The following SLC24A2 variants were observed in gnomAD, a reference collection of about 807,000 sequenced individuals.
SLC24A2 encodes the protein sodium/potassium/calcium exchanger 2.
In SLC24A2, 36 loss-of-function variants were observed where a neutral mutation model predicts 62.0. The observed-to-expected ratio is 0.58, with a 90% CI of 0.44 to 0.77. The LOEUF (loss-of-function observed/expected upper bound fraction) is 0.77, where lower values mean the gene tolerates loss of function less well. SLC24A2 is among the 30% of genes least tolerant of loss of function. The probability of loss-of-function intolerance (pLI) is 0.00; values close to 1 mark genes in which losing one functional copy is unlikely to be tolerated. For missense variants in SLC24A2, 846 were observed against 817.9 expected (o/e 1.03, Z -0.42); for synonymous variants, 358 against 294.0 (o/e 1.22, Z -2.23).
At chr9:19,753,412 GA>G (rs1054284124) in intron 2 of SLC24A2, among the ~76,000 whole-genome samples, 1 of 152,220 alleles carries the variant, frequency 6.6e-6, no homozygotes, top group African/African-American at 2.4e-5. Context: ...TAAGAATGCA[GA>G]AAAATATTAA....
At chr9:19,903,057 A>C in the SLC24A2 span, among the ~76,000 whole-genome samples, 1 of 151,754 alleles carries the variant, frequency 6.6e-6, no homozygotes, top group African/African-American at 2.4e-5. Flanking sequence ...TTTTTTAATA[A>C]GCAGGTTTTT....
chr9:19,531,977 G>T (rs1833731174), intron 8 of SLC24A2, among the ~76,000 whole-genome samples: 1 of 152,036 alleles, frequency 6.6e-6, no homozygotes, highest in Non-Finnish European at 1.5e-5. Context: ...TATTCATGAG[G>T]GTTCCACCAC....
chr9:19,691,647 G>A lies in SLC24A2; in HGVS notation c.931-69348C>T, dbSNP rs1310315001. Among the ~76,000 whole-genome samples the A allele has an allele frequency of 7.2e-5, 11 of 152,146 alleles. No individual in the cohort carries two copies. In the East Asian group the frequency reaches 2.1e-3, roughly 29 times the overall value. The stretch of plus-strand genomic sequence containing the variant: ...TTTGAGAAATGGGTTTATTTCTCTG[G>A]TTAAAAGTACAGAACCAGTTATATA... On this transcript the variant is annotated intron_variant, in intron 2 of 10. Coordinates refer to ENST00000341998, the MANE Select transcript of SLC24A2 (RefSeq NM_020344.4).
rs764318039 is a variant in SLC24A2, at chr9:19,671,778, T to C, written c.931-49479A>G. Among the ~76,000 whole-genome samples, 12 of 148,096 alleles carry C rather than the reference T, an allele frequency of 8.1e-5. 2 individuals are homozygous for C. The highest frequency in any genetic ancestry group is 1.6e-4 in the African/African-American group (6 of 38,140). On this transcript the variant is annotated intron_variant, in intron 2 of 10. Transcript: ENST00000341998. ...TTTAATCATAAATAGATGCTGGATT[T>C]TGTCAAATGCTTTTCCTGCATCTAT...
chr9:20,245,967 A>G, the SLC24A2 span, among the ~76,000 whole-genome samples: 2 of 152,220 alleles, frequency 1.3e-5, no homozygotes, highest in East Asian at 3.8e-4. Context: ...ACCAATTAGT[A>G]TAAGGGGGAG....
chr9:19,782,993 A>T lies in SLC24A2; in HGVS notation c.930+2944T>A, dbSNP rs529542987. 7.9e-5 allele frequency among the ~76,000 whole-genome samples: 12 copies of T among 152,310 alleles called. No individual in the cohort carries two copies. In the South Asian group the frequency reaches 2.3e-3, roughly 29 times the overall value. ...AAAAGGGTAGTAGCATCACTAAAAG[A>T]AATAACAATAATAAAAATAAGAACC... On this transcript the variant is annotated intron_variant, in intron 2 of 10. Coordinates refer to ENST00000341998, the MANE Select transcript of SLC24A2 (RefSeq NM_020344.4).
At chr9:20,305,173 A>G in the SLC24A2 span, among the ~76,000 whole-genome samples, 1 of 150,532 alleles carries the variant, frequency 6.6e-6, no homozygotes, top group Non-Finnish European at 1.5e-5. Flanking sequence ...CAGTGGCACA[A>G]TCTCGTCTCC....
At chr9:20,073,852 A>T in the SLC24A2 span, among the ~76,000 whole-genome samples, 7,785 of 143,314 alleles carry the variant, frequency 0.054, 267 homozygotes, top group African/African-American at 0.092. Context: ...ATATGTGTGT[A>T]TATTTGTGTG....
chr9:20,020,219 G>T, the SLC24A2 span, among the ~76,000 whole-genome samples: 9 of 152,092 alleles, frequency 5.9e-5, no homozygotes, highest in Non-Finnish European at 5.9e-5. Context: ...TCCAATTACT[G>T]GGTATATACC....
In SLC24A2 at chr9:19,768,894, C is replaced by T. The variant is rs1822597987; in HGVS notation, c.930+17043G>A. 4.6e-5 allele frequency among the ~76,000 whole-genome samples: 7 copies of T among 152,282 alleles called. No homozygotes were observed. The South Asian group carries it at 1.4e-3, about 32-fold the overall frequency. ...CTGGTTTCTCCTTGTTTTCCTCATG[C>T]TTCAATGCTATGAATCCCAGGACTT... On this transcript the variant is annotated intron_variant, in intron 2 of 10. Transcript: ENST00000341998.
the SLC24A2 span, among the ~76,000 whole-genome samples, chr9:20,098,555 A>G: frequency 2.3e-4 from 35 of 152,348 alleles, no homozygotes; most frequent in Admixed American, 1.3e-3. Flanking sequence ...TGCTCCAAAC[A>G]TAAGAAACTC....
At chr9:19,615,620 C>T (rs949138033) in intron 4 of SLC24A2, among the ~76,000 whole-genome samples, 1 of 152,134 alleles carries the variant, frequency 6.6e-6, no homozygotes, top group Non-Finnish European at 1.5e-5. Flanking sequence ...TCTAATCACT[C>T]AAGTCCAGAG....
At chr9:19,640,111 T>A (rs1348031814) in intron 2 of SLC24A2, among the ~76,000 whole-genome samples, 1 of 152,236 alleles carries the variant, frequency 6.6e-6, no homozygotes, top group Non-Finnish European at 1.5e-5. Flanking sequence ...TTTTCTCTGT[T>A]GAAATCACAA....
At chr9:20,014,907 G>A in the SLC24A2 span, among the ~76,000 whole-genome samples, 2 of 152,252 alleles carry the variant, frequency 1.3e-5, no homozygotes, top group South Asian at 2.1e-4. Context: ...GAAATGATAC[G>A]TAAGTATGGT....
chr9:19,713,034 G>A (rs1296966909), intron 2 of SLC24A2, among the ~76,000 whole-genome samples: 1 of 152,090 alleles, frequency 6.6e-6, no homozygotes, highest in Non-Finnish European at 1.5e-5. Flanking sequence ...CACCTCCAGG[G>A]AATCTTTTTC....
At chr9:19,948,296 C>T in the SLC24A2 span, among the ~76,000 whole-genome samples, 1 of 152,122 alleles carries the variant, frequency 6.6e-6, no homozygotes, top group African/African-American at 2.4e-5. Flanking sequence ...CCAAGATGTT[C>T]CAATAAAAAT....
chr9:20,117,400 A>G, the SLC24A2 span, among the ~76,000 whole-genome samples: 1 of 152,038 alleles, frequency 6.6e-6, no homozygotes, highest in Admixed American at 6.6e-5. Context: ...TTTTCATTTC[A>G]TGGTCTTTTG....
At chr9:20,094,355 G>C in the SLC24A2 span, among the ~76,000 whole-genome samples, 210 of 152,240 alleles carry the variant, frequency 1.4e-3, 5 homozygotes, top group East Asian at 0.034. Context: ...ACAATTATTT[G>C]TCAGATGTTT....
At chr9:19,660,123 T>A (rs1194961543) in intron 2 of SLC24A2, among the ~76,000 whole-genome samples, 1 of 152,212 alleles carries the variant, frequency 6.6e-6, no homozygotes, top group East Asian at 1.9e-4. Context: ...CTCTGCCTGT[T>A]GTCCCTTCCG....
Sources: gnomAD v4.1 joint callset for allele counts (sites outside exome capture counted in the v4.1 genomes callset) on GRCh38, gnomAD v4.1.1 for gene constraint, MANE v1.5 for transcripts, NCBI Gene and HGNC (gene_info 2026-07-23, HGNC 2026-07-21) for gene names.